The following MYO3B variants were observed in gnomAD, a reference collection of about 807,000 sequenced individuals.
MYO3B encodes myosin IIIB, also known as myosin-IIIb.
In MYO3B, 156 loss-of-function variants were observed where a neutral mutation model predicts 174.6. The ratio of observed to expected loss-of-function variants is 0.89; its 90% CI spans 0.78 to 1.02. The LOEUF is 1.02. MYO3B is among the 50% of genes least tolerant of loss of function. MYO3B has a pLI of 0.00. For missense variants in MYO3B, 1,632 were observed against 1,639.4 expected (o/e 1.00, Z 0.08); for synonymous variants, 563 against 569.1 (o/e 0.99, Z 0.15).
chr2:170,288,976 T>G (rs1202992044), intron 7 of MYO3B, among the ~76,000 whole-genome samples: 1 of 152,192 alleles, frequency 6.6e-6, no homozygotes, highest in Non-Finnish European at 1.5e-5. Context: ...CAGTTGGTTT[T>G]TGTTCTCAAT....
intron 6 of MYO3B, among the ~76,000 whole-genome samples, chr2:170,232,377 C>CT (rs1381143134): frequency 6.6e-6 from 1 of 152,188 alleles, no homozygotes; most frequent in Non-Finnish European, 1.5e-5. Context: ...TAACTCTCAT[C>CT]GTATGTGTAA....
chr2:170,285,059 G>A lies in MYO3B; in HGVS notation c.749+48923G>A, dbSNP rs191028158. Among the ~76,000 whole-genome samples, 3 of 152,264 alleles carry A rather than the reference G, an allele frequency of 2.0e-5. No individual in the cohort carries two copies. The East Asian group carries it at 5.8e-4, about 29-fold the overall frequency. ...CAGATCTAGTTTATTCAGTTTACCTGCTGCATAGCATTCTGTTATTGGACT... is the reference window on the plus strand; with the variant it reads ...CAGATCTAGTTTATTCAGTTTACCTACTGCATAGCATTCTGTTATTGGACT... On this transcript the variant is annotated intron_variant, in intron 7 of 34. Coordinates refer to ENST00000408978, the MANE Select transcript of MYO3B (RefSeq NM_138995.5).
At chr2:170,556,306 C>T (rs1575159797) in intron 32 of MYO3B, among the ~76,000 whole-genome samples, 3 of 151,936 alleles carry the variant, frequency 2.0e-5, no homozygotes, top group Admixed American at 2.0e-4. Flanking sequence ...CATTTGTGTT[C>T]AGGTTTTGGT....
intron 32 of MYO3B, among the ~76,000 whole-genome samples, chr2:170,645,550 G>A (rs989300350): frequency 5.9e-5 from 9 of 151,636 alleles, no homozygotes; most frequent in Non-Finnish European, 1.2e-4. Context: ...AACGAACTAG[G>A]TAACTATCCG....
intron 7 of MYO3B, among the ~76,000 whole-genome samples, chr2:170,333,515 C>T (rs969835513): frequency 6.6e-6 from 1 of 152,132 alleles, no homozygotes; most frequent in Admixed American, 6.5e-5. Flanking sequence ...GATAAATCAT[C>T]TCCTTCCTCT....
chr2:170,485,727 G>A (rs1203910636), intron 25 of MYO3B, among the ~76,000 whole-genome samples: 2 of 152,160 alleles, frequency 1.3e-5, no homozygotes, highest in African/African-American at 4.8e-5. Context: ...GAGATTCTGA[G>A]CAGTTGACCT....
At chr2:170,287,449 T>C (rs575000528) in intron 7 of MYO3B, among the ~76,000 whole-genome samples, 19 of 152,196 alleles carry the variant, frequency 1.2e-4, no homozygotes, top group Admixed American at 4.6e-4. Context: ...TGATATATCA[T>C]TGTGGTTTTG....
chr2:170,346,959 C>A (rs929754636), intron 8 of MYO3B, among the ~76,000 whole-genome samples: 1 of 152,074 alleles, frequency 6.6e-6, no homozygotes, highest in Admixed American at 6.6e-5. Context: ...CTTTTGTGGA[C>A]CTGCAGTTTA....
chr2:170,617,525 G>A (rs576623886), intron 32 of MYO3B, among the ~76,000 whole-genome samples: 1 of 152,256 alleles, frequency 6.6e-6, no homozygotes, highest in African/African-American at 2.4e-5. Flanking sequence ...ATTTTGAGGT[G>A]ACAAAGTGGA....
At chr2:170,234,181 AAAAAAACAAAACAAAAC>A (rs1211671748) in intron 6 of MYO3B, among the ~76,000 whole-genome samples, 2 of 72,708 alleles carry the variant, frequency 2.8e-5, no homozygotes, top group African/African-American at 1.6e-4. Context: ...AAAAAAAAAA[AAAAAAACAAAACAAAAC>A]AAAAAAAAAA....
chr2:170,340,917 A>G (rs1401772792), intron 8 of MYO3B: 2 of 151,988 alleles, frequency 1.3e-5, no homozygotes, highest in Non-Finnish European at 2.9e-5. Context: ...AGCATCTAGC[A>G]TACTGGTGTG....
chr2:170,334,099 G>A (rs1238132206), intron 7 of MYO3B: 1 of 152,118 alleles, frequency 6.6e-6, no homozygotes, highest in Non-Finnish European at 1.5e-5. Flanking sequence ...TGTCCACAAT[G>A]GCTGCTCAAG....
At chr2:170,482,186 C>T (rs1685736183) in intron 25 of MYO3B, among the ~76,000 whole-genome samples, 1 of 150,236 alleles carries the variant, frequency 6.7e-6, no homozygotes, top group Admixed American at 6.6e-5. Context: ...GACAGGGTCT[C>T]ACTCTGTCAC....
At chr2:170,566,838 G>A (rs1046955083) in intron 32 of MYO3B, among the ~76,000 whole-genome samples, 4 of 152,148 alleles carry the variant, frequency 2.6e-5, no homozygotes, top group African/African-American at 9.7e-5. Context: ...CTCCTGGAAA[G>A]CAATTAGATT....
At chr2:170,351,385 A>G (rs1374551579) in intron 8 of MYO3B, among the ~76,000 whole-genome samples, 2 of 152,180 alleles carry the variant, frequency 1.3e-5, no homozygotes, top group African/African-American at 2.4e-5. Context: ...CATATTCTCC[A>G]TCGTCTGGGG....
At chr2:170,633,149 C>A (rs1427032543) in intron 32 of MYO3B, among the ~76,000 whole-genome samples, 1 of 152,200 alleles carries the variant, frequency 6.6e-6, no homozygotes, top group East Asian at 1.9e-4. Context: ...GATACCAAAG[C>A]CTGGCAGAGA....
chr2:170,599,758 CA>C (rs1418798277), intron 32 of MYO3B, among the ~76,000 whole-genome samples: 1 of 152,000 alleles, frequency 6.6e-6, no homozygotes, highest in Non-Finnish European at 1.5e-5. Context: ...AGAAAAACAA[CA>C]AAAAAAGTTC....
At chr2:170,309,842 C>A (rs1463189182) in intron 7 of MYO3B, among the ~76,000 whole-genome samples, 2 of 151,956 alleles carry the variant, frequency 1.3e-5, no homozygotes, top group Non-Finnish European at 2.9e-5. Context: ...GTTGTGCAAC[C>A]AACACCTCTG....
intron 32 of MYO3B, among the ~76,000 whole-genome samples, chr2:170,592,602 C>T (rs758125827): frequency 6.6e-6 from 1 of 152,304 alleles, no homozygotes; most frequent in Non-Finnish European, 1.5e-5. Flanking sequence ...GTGTACCAGG[C>T]CCTGTCCCTG....
Sources: allele counts gnomAD v4.1 joint callset (sites outside exome capture counted in the v4.1 genomes callset), GRCh38; gene constraint gnomAD v4.1.1; transcripts MANE v1.5; gene names NCBI Gene and HGNC (gene_info 2026-07-23, HGNC 2026-07-21).